RGS22: variants seen among roughly 807,000 people sequenced by gnomAD.
RGS22 encodes regulator of G protein signaling 22.
Under a neutral mutation model 172.9 loss-of-function variants are expected in RGS22, and 148 were observed. The ratio of observed to expected loss-of-function variants is 0.86; its 90% CI spans 0.75 to 0.98. RGS22 has a LOEUF of 0.98. RGS22 is among the 50% of genes least tolerant of loss of function. RGS22 has a pLI of 0.00. For synonymous variants in RGS22, 458 were observed against 480.2 expected, an observed-to-expected ratio of 0.95 and a Z score of 0.60; for missense variants, 1,347 against 1,440.8, an observed-to-expected ratio of 0.93 and a Z score of 1.05.
intron 10 of RGS22, 33 bp from the exon 11 acceptor site, chr8:100,047,629 G>A (rs771381848): frequency 1.3e-6 from 2 of 1,586,820 alleles, no homozygotes; most frequent in South Asian, 1.2e-5. Context: ...AGATGAAAAT[G>A]AGAGAGAAAA....
rs1817209990 is a variant in RGS22, at chr8:100,018,188, GACTC to G, written c.2167-9623_2167-9620del. ...CGCACCTCTCTACACCTGTGCCTGT[GACTC>G]ACTTTCTTGGCATCTGTATCAAAAA... On this transcript the variant is annotated intron_variant, in intron 14 of 27. Coordinates refer to ENST00000360863, the MANE Select transcript of RGS22 (RefSeq NM_015668.5). Among the ~76,000 whole-genome samples, 3 of 147,782 alleles carry G rather than the reference GACTC, an allele frequency of 2.0e-5. 1 individual carries two copies. The South Asian group carries it at 6.4e-4, about 32-fold the overall frequency.
intron 14 of RGS22, among the ~76,000 whole-genome samples, chr8:100,022,786 C>A (rs1817752971): frequency 6.6e-6 from 1 of 151,856 alleles, no homozygotes; most frequent in Non-Finnish European, 1.5e-5. Context: ...CACTATGTTA[C>A]CCAGGTTGGA....
rs1374473613 is a variant in RGS22 at position 100,008,584 on chromosome 8, G to C, written c.2167-15C>G. 2 of 1,591,326 alleles carry C rather than the reference G, an allele frequency of 1.3e-6. No homozygotes were observed. Among genetic ancestry groups the C allele is most frequent in the South Asian group, 2.3e-5 (2 of 87,714 alleles). The stretch of plus-strand genomic sequence containing the variant: ...GCAAAAAGATACTGAAGGAGAAGAG[G>C]GAAGAAGGGAGAAGATGTTAAGAGA... On this transcript the variant is annotated splice_polypyrimidine_tract_variant and intron_variant, in intron 14 of 27. Transcript: ENST00000360863.
At chr8:100,027,274 T>C (rs1461913097) in intron 14 of RGS22, among the ~76,000 whole-genome samples, 7 of 152,088 alleles carry the variant, frequency 4.6e-5, no homozygotes, top group Non-Finnish European at 4.4e-5. Flanking sequence ...CTGTTTTAAA[T>C]ACGACTGAAG....
chr8:100,072,169 T>C lies in RGS22; in HGVS notation c.401A>G (p.Glu134Gly). The change falls in exon 5 of 28, where the codon GAA (glutamate) becomes GGA (glycine). Residue 134 changes from glutamate to glycine, a missense_variant. By Grantham distance (98) the Glu-to-Gly change is moderately conservative (BLOSUM62 -2). Transcript: ENST00000360863. The part of the protein sequence containing the change: ...IKKERLPAFL[E>G]SDCYFEYRLA... ...CCTGTATTCAAAGTAACAATCACTT[T>C]CCAGAAATGCTGGAAGTCTTTCTTT... 6.2e-7 allele frequency: 1 copy of C among 1,602,392 alleles called. No individual in the cohort carries two copies.
chr8:100,099,717 T>C (rs937259764), intron 2 of RGS22, among the ~76,000 whole-genome samples: 6 of 152,186 alleles, frequency 3.9e-5, no homozygotes, highest in Non-Finnish European at 5.9e-5. Context: ...AAGGATTCCA[T>C]AGAGATGAAA....
Position 100,072,210 on chromosome 8 carries a change from A to G in RGS22, c.360T>C (p.Gly120=), listed in dbSNP as rs746749575. 8 of 1,596,892 alleles carry G rather than the reference A, an allele frequency of 5.0e-6. No individual in the cohort carries two copies. The African/African-American group carries it at 9.5e-5, about 19-fold the overall frequency. The change falls in exon 5 of 28, where the codon GGT becomes GGC. Residue 120 remains glycine, a synonymous_variant. Transcript: ENST00000360863. ...YNIMCLSREE[G]IKWIKKERLP... ...GTCTTTCTTTTTTGATCCACTTAAT[A>G]CCTTCTTCACGACTGAGACACTATG...
chr8:100,003,793 A>G, intron 17 of RGS22, 133 bp downstream of exon 17: 1 of 684,564 alleles, frequency 1.5e-6, no homozygotes, highest in Non-Finnish European at 2.3e-6. Context: ...GATTTCAGAT[A>G]ATCATGTTTG....
Position 100,002,260 on chromosome 8 carries a change from A to C in RGS22, c.2732T>G (p.Leu911Arg). The C allele has an allele frequency of 6.2e-7, 1 of 1,610,234 alleles. No homozygotes were observed. The highest frequency in any genetic ancestry group is 8.5e-7 in the Non-Finnish European group (1 of 1,178,266). Residue 911 changes from leucine to arginine, a missense_variant, in exon 18 of 28, where the codon CTT becomes CGT. Transcript: ENST00000360863. Reference sequence around the variant, plus strand: ...GGGTCCAAAGAAATATTTTTTATTAAGGTATTTGTTTTTAATGTATATAGA... The same window carrying C: ...GGGTCCAAAGAAATATTTTTTATTACGGTATTTGTTTTTAATGTATATAGA... ...AKSIYIKNKY[L>R]NKKYFFGPNS...
At chr8:100,025,948 T>C (rs1818129888) in intron 14 of RGS22, among the ~76,000 whole-genome samples, 1 of 151,658 alleles carries the variant, frequency 6.6e-6, no homozygotes, top group African/African-American at 2.4e-5. Flanking sequence ...TGACCCTTGA[T>C]AGAAAGAATG....
intron 14 of RGS22, among the ~76,000 whole-genome samples, chr8:100,009,542 T>C (rs772351264): frequency 3.3e-5 from 5 of 152,112 alleles, no homozygotes; most frequent in Admixed American, 1.3e-4. Context: ...TAGTTATGTA[T>C]ATCTGAGAAG....
intron 14 of RGS22, among the ~76,000 whole-genome samples, chr8:100,009,927 A>G (rs569215863): frequency 6.6e-6 from 1 of 152,352 alleles, no homozygotes; most frequent in African/African-American, 2.4e-5. Flanking sequence ...TTTGGTGGTG[A>G]CATGGAGATG....
intron 19 of RGS22, 140 bp downstream of exon 19, chr8:99,999,122 G>C: frequency 1.4e-6 from 1 of 691,996 alleles, no homozygotes; most frequent in South Asian, 2.1e-5. Context: ...TCACACCACT[G>C]CACTTCAGAC....
At chr8:99,968,060 C>G (rs1188033518) in intron 23 of RGS22, among the ~76,000 whole-genome samples, 2 of 152,194 alleles carry the variant, frequency 1.3e-5, no homozygotes, top group African/African-American at 4.8e-5. Context: ...TTTTGTTCTG[C>G]AGCCTCTGCC....
intron 6 of RGS22, among the ~76,000 whole-genome samples, chr8:100,068,077 T>C (rs1193059984): frequency 6.6e-6 from 1 of 152,136 alleles, no homozygotes; most frequent in East Asian, 1.9e-4. Context: ...ATTCAAAAGC[T>C]ATTGAAAAAT....
chr8:100,035,016 A>C (rs1031639153), intron 14 of RGS22, among the ~76,000 whole-genome samples: 21 of 152,124 alleles, frequency 1.4e-4, no homozygotes, highest in Non-Finnish European at 2.5e-4. Flanking sequence ...AGAAGAAAAC[A>C]TACGCAATAC....
intron 11 of RGS22, among the ~76,000 whole-genome samples, chr8:100,044,917 T>C (rs1302123623): frequency 6.6e-6 from 1 of 152,174 alleles, no homozygotes; most frequent in Admixed American, 6.5e-5. Flanking sequence ...TTTATTGAGA[T>C]AAAATTCACA....
At chr8:100,012,099 T>TTA (rs111749978) in intron 14 of RGS22, among the ~76,000 whole-genome samples, 1,872 of 150,470 alleles carry the variant, frequency 0.012, 50 homozygotes, top group East Asian at 0.11. Flanking sequence ...ATAATATATA[T>TTA]TATATATATA....
rs1554626167 is a variant in RGS22 at position 100,051,684 on chromosome 8, T to TATATAA, written c.1689+1117_1689+1118insTTATAT. Among the ~76,000 whole-genome samples, 14 of 29,876 alleles carry TATATAA rather than the reference T, an allele frequency of 4.7e-4. 1 individual carries two copies. Among genetic ancestry groups the TATATAA allele is most frequent in the African/African-American group, 3.3e-3 (13 of 3,990 alleles). The allele number at this position is 29,876 out of a possible 152,430, so 19.6% of individuals were successfully genotyped here. The stretch of plus-strand genomic sequence containing the variant: ...ATATATATTTATATATGTTTATACA[T>TATATAA]ATATATATTTATATATACGTATATA... On this transcript the variant is annotated intron_variant, in intron 10 of 27. Transcript: ENST00000360863.
Sources: gnomAD v4.1 joint callset for allele counts (sites outside exome capture counted in the v4.1 genomes callset) on GRCh38, gnomAD v4.1.1 for gene constraint, MANE v1.5 for transcripts, NCBI Gene and HGNC (gene_info 2026-07-23, HGNC 2026-07-21) for gene names.